The following TRIT1 variants were observed in gnomAD, a reference collection of about 807,000 sequenced individuals.
TRIT1 encodes the protein tRNA isopentenyltransferase 1.
A neutral mutation model predicts 51.2 loss-of-function variants in TRIT1; 43 were observed. The observed-to-expected ratio is 0.84, with a 90% CI of 0.66 to 1.08. The LOEUF (loss-of-function observed/expected upper bound fraction) is 1.08. TRIT1 is among the 50% of genes least tolerant of loss of function. TRIT1 has a pLI of 0.00. For synonymous variants in TRIT1, 184 were observed against 203.9 expected (o/e 0.90, Z 0.83); for missense variants, 528 against 578.4 (o/e 0.91, Z 0.89).
intron 8 of TRIT1, among the ~76,000 whole-genome samples, chr1:39,845,560 C>T (rs1642175898): frequency 6.6e-6 from 1 of 152,250 alleles, no homozygotes; most frequent in Non-Finnish European, 1.5e-5. Flanking sequence ...CACCTGCTAC[C>T]ACAGGAAAGG....
chr1:39,878,949 T>C (rs575511510), intron 1 of TRIT1, among the ~76,000 whole-genome samples: 3 of 152,264 alleles, frequency 2.0e-5, no homozygotes, highest in Admixed American at 1.3e-4. Context: ...TGTTGCACAC[T>C]CCTAAGAAGG....
rs1430198829 is a variant in TRIT1 at position 39,861,913 on chromosome 1, G to A, written c.175-4496C>T. On this transcript the variant is annotated intron_variant, in intron 1 of 10. Coordinates refer to ENST00000316891, the MANE Select transcript of TRIT1 (RefSeq NM_017646.6). The stretch of plus-strand genomic sequence containing the variant: ...CGCTCCAGCCTGGGCAAGAGAGCAA[G>A]GCTCTGTCTCAAAAAAAAAAAAAAA... 2.0e-5 allele frequency among the ~76,000 whole-genome samples: 3 copies of A among 147,920 alleles called. No individual in the cohort carries two copies. In the Admixed American group the frequency reaches 2.0e-4, roughly 10 times the overall value.
At chr1:39,865,876 G>T (rs1643516376) in intron 1 of TRIT1, among the ~76,000 whole-genome samples, 1 of 145,568 alleles carries the variant, frequency 6.9e-6, no homozygotes, top group South Asian at 2.2e-4. Flanking sequence ...ATAAAGGAAA[G>T]AAGAGAGTGA....
At position 39,872,033 on chromosome 1, in the gene TRIT1, T is replaced by C. The variant is rs370061360; in HGVS notation, c.174+11285A>G. 6.9e-4 allele frequency among the ~76,000 whole-genome samples: 105 copies of C among 151,674 alleles called. 1 individual carries two copies. In the East Asian group the frequency reaches 0.016, roughly 22 times the overall value. On this transcript the variant is annotated intron_variant, in intron 1 of 10. Transcript: ENST00000316891. Reference sequence around the variant, plus strand: ...ATCCTCCTGCTTGAGCCAGGAGAAATTGGGACTACAGGTATGTGCTACCAG... The same window carrying C: ...ATCCTCCTGCTTGAGCCAGGAGAAACTGGGACTACAGGTATGTGCTACCAG...
At position 39,859,260 on chromosome 1, in the gene TRIT1, CAAAAAAAAAAAAAAAAAA is replaced by C. The variant is rs3033562; in HGVS notation, c.175-1861_175-1844del. ...AACAGAGTGAGACTCGACTCCGTCT[CAAAAAAAAAAAAAAAAAA>C]AAAAAAAAAAAAAAAAAACGAAAGA... On this transcript the variant is annotated intron_variant, in intron 1 of 10. Transcript: ENST00000316891. 1.5e-3 allele frequency among the ~76,000 whole-genome samples: 29 copies of C among 19,034 alleles called. 1 individual carries two copies. The highest frequency in any genetic ancestry group is 2.4e-3 in the Non-Finnish European group (20 of 8,182). 12.5% of individuals were successfully genotyped at this position (19,034 alleles called of 152,430 possible). A position where few individuals can be genotyped will look rare whatever the true frequency, so the allele number is the denominator to read the frequency against.
intron 2 of TRIT1, among the ~76,000 whole-genome samples, chr1:39,856,029 G>A (rs1187555360): frequency 2.0e-5 from 3 of 151,830 alleles, no homozygotes; most frequent in African/African-American, 4.8e-5. Flanking sequence ...TAAAATAGCC[G>A]GGCATGGTGG....
chr1:39,875,412 C>T (rs1378876373), intron 1 of TRIT1, among the ~76,000 whole-genome samples: 4 of 151,860 alleles, frequency 2.6e-5, no homozygotes, highest in East Asian at 1.9e-4. Flanking sequence ...TGCTTGAACC[C>T]GGGAGGTGGA....
intron 1 of TRIT1, among the ~76,000 whole-genome samples, chr1:39,875,241 A>G (rs965441908): frequency 9.2e-5 from 14 of 151,944 alleles, no homozygotes; most frequent in Non-Finnish European, 7.4e-5. Context: ...TGTAATTCCA[A>G]CCCTTTGGGA....
chr1:39,848,064 T>A lies in TRIT1; in HGVS notation c.737A>T (p.Asp246Val). The change falls in exon 6 of 11, where the codon GAC becomes GTC. Residue 246 changes from aspartate (D) to valine (V), a missense_variant. Coordinates refer to ENST00000316891, the MANE Select transcript of TRIT1 (RefSeq NM_017646.6). ...LDERLDKRVDDMLAAGLLEEL... is the reference protein window; with the variant it reads ...LDERLDKRVDVMLAAGLLEEL... The stretch of plus-strand genomic sequence containing the variant: ...CTCCAAGAGCCCAGCAGCAAGCATG[T>A]CATCCACCCTCTTATCCAAGCGCTC... 6.2e-7 allele frequency: 1 copy of A among 1,614,174 alleles called. No individual in the cohort carries two copies. The highest frequency in any genetic ancestry group is 8.5e-7 in the Non-Finnish European group (1 of 1,180,024).
chr1:39,843,464 C>T (rs748309028), intron 10 of TRIT1, among the ~76,000 whole-genome samples: 3 of 152,262 alleles, frequency 2.0e-5, no homozygotes, highest in South Asian at 2.1e-4. Context: ...CAGATCCAGG[C>T]TCTAATGCAG....
At chr1:39,877,993 ATGT>A (rs1468018286) in intron 1 of TRIT1, among the ~76,000 whole-genome samples, 3 of 152,182 alleles carry the variant, frequency 2.0e-5, no homozygotes, top group Admixed American at 2.0e-4. Context: ...TAAAGCACAA[ATGT>A]TGTTTCTCAC....
chr1:39,872,778 CACAG>C (rs1416962069), intron 1 of TRIT1, among the ~76,000 whole-genome samples: 145 of 114,414 alleles, frequency 1.3e-3, no homozygotes, highest in Middle Eastern at 4.4e-3. Context: ...CACACACACA[CACAG>C]AGAGAGAGAG....
At chr1:39,882,421 A>T (rs1158183577) in intron 1 of TRIT1, among the ~76,000 whole-genome samples, 1 of 152,104 alleles carries the variant, frequency 6.6e-6, no homozygotes, top group Non-Finnish European at 1.5e-5. Context: ...CTCTGTGAAG[A>T]CTCATAACTG....
chr1:39,857,215 TTC>T, intron 2 of TRIT1, 60 bp downstream of exon 2: 1 of 1,519,430 alleles, frequency 6.6e-7, no homozygotes, highest in South Asian at 1.2e-5. Context: ...GAAAGAAAAC[TTC>T]TCTCTTGGCT....
At chr1:39,855,815 G>C (rs1642863304) in intron 2 of TRIT1, among the ~76,000 whole-genome samples, 1 of 152,210 alleles carries the variant, frequency 6.6e-6, no homozygotes, top group Admixed American at 6.5e-5. Flanking sequence ...TGAAATGACT[G>C]TGATATTGAG....
chr1:39,873,165 G>C (rs967922357), intron 1 of TRIT1, among the ~76,000 whole-genome samples: 1 of 152,088 alleles, frequency 6.6e-6, no homozygotes, highest in Non-Finnish European at 1.5e-5. Context: ...AAATGGAAAA[G>C]AAAAATAACA....
At position 39,839,864 on chromosome 1, in the gene TRIT1, T is replaced by C. The variant is rs1432937333; in HGVS notation, c.*1880A>G. Among the ~76,000 whole-genome samples, 1 of 152,222 alleles carries C rather than the reference T, an allele frequency of 6.6e-6. No homozygotes were observed. The highest frequency in any genetic ancestry group is 6.5e-5 in the Admixed American group (1 of 15,284). On this transcript the variant is annotated 3_prime_UTR_variant, in exon 11 of 11. Coordinates refer to ENST00000316891, the MANE Select transcript of TRIT1 (RefSeq NM_017646.6). ...ACGTACAATTATTAAAACTAGTTTT[T>C]CCTGCTTGTCTACTGAAACCTTTTT... is the stretch of plus-strand genomic sequence containing the variant.
intron 1 of TRIT1, among the ~76,000 whole-genome samples, chr1:39,879,207 T>A (rs1644163666): frequency 6.6e-6 from 1 of 151,916 alleles, no homozygotes; most frequent in Non-Finnish European, 1.5e-5. Context: ...AGGCAGAGGT[T>A]GCAGTGAGCC....
chr1:39,878,252 G>C (rs772111510), intron 1 of TRIT1, among the ~76,000 whole-genome samples: 3 of 152,228 alleles, frequency 2.0e-5, no homozygotes, highest in Admixed American at 6.5e-5. Flanking sequence ...ACAGAAGCAA[G>C]TCACTGCATA....
Sources: gnomAD v4.1 joint callset for allele counts (sites outside exome capture counted in the v4.1 genomes callset) on GRCh38, gnomAD v4.1.1 for gene constraint, MANE v1.5 for transcripts, NCBI Gene and HGNC (gene_info 2026-07-23, HGNC 2026-07-21) for gene names.